Variants in KLHL17 observed in about 807,000 individuals in gnomAD.
The protein encoded by KLHL17 is kelch-like protein 17.
In KLHL17, 71 loss-of-function variants were observed where a neutral mutation model predicts 64.6. That is an observed-to-expected ratio of 1.10 (90% CI 0.91 to 1.34). The LOEUF (loss-of-function observed/expected upper bound fraction) is 1.34. KLHL17 is among the 40% of genes most tolerant of loss of function. KLHL17 has a pLI of 0.00. For synonymous variants in KLHL17, 612 were observed against 405.4 expected (o/e 1.51, Z -6.12); for missense variants, 1,140 against 935.0 (o/e 1.22, Z -2.86).
In KLHL17 at chr1:964,430, G is replaced by A. The variant is rs1225430269; in HGVS notation, c.1600G>A (p.Val534Met). ...GVAVLEGALY[V>M]AGGNDGTSCL... ...GGCCGTGCTGGAGGGTGCCCTGTAC[G>A]TGGCAGGGGGCAACGACGGCACCAG... The change falls in exon 11 of 12, where the codon GTG becomes ATG. Residue 534 changes from valine to methionine, a missense_variant. Physicochemically the swap from Val to Met is conservative, Grantham distance 21 (BLOSUM62 1). Coordinates refer to ENST00000338591, the MANE Select transcript of KLHL17 (RefSeq NM_198317.3). 1.0e-5 allele frequency: 16 copies of A among 1,549,730 alleles called. No individual in the cohort carries two copies. The highest frequency in any genetic ancestry group is 1.4e-5 in the African/African-American group (1 of 70,876).
Position 962,842 on chromosome 1 carries a change from C to T in KLHL17, c.967C>T (p.Gln323Ter), listed in dbSNP as rs1642721427. The change falls in exon 6 of 12, where the codon CAG becomes TAG. Residue 323 changes from glutamine (Q) to a stop codon, truncating the protein, a stop_gained. Transcript: ENST00000338591. LOFTEE classifies it high-confidence loss of function. Reference protein sequence around the residue: ...EALKFHLLPEQRGVLGTSRTR... With the variant: ...EALKFHLLPE ...CCTGAAGTTCCACCTGCTGCCTGAG[C>T]AGAGGGGCGTCCTAGGCACCAGCCG... The T allele has an allele frequency of 6.2e-7, 1 of 1,601,138 alleles. No homozygotes were observed.
intron 4 of KLHL17, 148 bp downstream of exon 4, chr1:962,195 G>GC (rs762455818): frequency 2.7e-5 from 35 of 1,309,298 alleles, no homozygotes; most frequent in Non-Finnish European, 3.6e-5. Context: ...CTGGATCTGG[G>GC]CCCCCCAGGA....
Sources: gnomAD v4.1 joint callset for allele counts on GRCh38, gnomAD v4.1.1 for gene constraint, MANE v1.5 for transcripts, NCBI Gene and HGNC (gene_info 2026-07-23, HGNC 2026-07-21) for gene names.